The following PANK2 variants were observed in gnomAD, a reference collection of about 807,000 sequenced individuals.
PANK2 encodes pantothenate kinase 2, mitochondrial.
Under a neutral mutation model 43.1 loss-of-function variants are expected in PANK2, and 36 were observed. That is an observed-to-expected ratio of 0.84 (90% CI 0.64 to 1.10). The LOEUF is 1.10. Ranked by LOEUF, PANK2 falls within the 50% of genes least tolerant of loss-of-function variation. The pLI, the probability that PANK2 is intolerant of heterozygous loss-of-function variation, is 0.00. For synonymous variants in PANK2, 281 were observed against 238.2 expected, an observed-to-expected ratio of 1.18 and a Z score of -1.66; for missense variants, 576 against 593.3, an observed-to-expected ratio of 0.97 and a Z score of 0.30.
At position 3,928,746 on chromosome 20, in the gene PANK2, T is replaced by C. The variant is rs1477568443; in HGVS notation, c.*5452T>C. On this transcript the variant is annotated 3_prime_UTR_variant, in exon 7 of 7. Transcript: ENST00000610179. ...CTGGGTGACAGAGCGAGACTCCGTC[T>C]CAAAAAAAAAAAAAAAAAAAAAAAA... 3.0e-4 allele frequency: 2 copies of C among 6,716 alleles called. No homozygotes were observed. Among genetic ancestry groups the C allele is most frequent in the Non-Finnish European group, 4.3e-4 (1 of 2,306 alleles). The allele number at this position is 6,716 out of a possible 1,614,324, so 0.4% of individuals were successfully genotyped here. A position where few individuals can be genotyped will look rare whatever the true frequency, so the allele number is the denominator to read the frequency against.
intron 4 of PANK2, 98 bp downstream of exon 4, chr20:3,912,732 A>C: frequency 7.4e-7 from 1 of 1,351,294 alleles, no homozygotes; most frequent in Non-Finnish European, 1.0e-6. Context: ...TGGGCAGATC[A>C]TGAGGTCAGG....
intron 1 of PANK2, among the ~76,000 whole-genome samples, chr20:3,896,907 G>T (rs1443804893): frequency 6.6e-6 from 1 of 152,208 alleles, no homozygotes; most frequent in Admixed American, 6.5e-5. Context: ...CCAAAGAGGG[G>T]TCATGCAAAC....
At chr20:3,915,208 T>C (rs1458495293) in intron 4 of PANK2, among the ~76,000 whole-genome samples, 1 of 147,578 alleles carries the variant, frequency 6.8e-6, no homozygotes, top group African/African-American at 2.5e-5. Context: ...TCATGAAGAA[T>C]TGCCTAATTT....
chr20:3,914,068 C>A (rs372542824), intron 4 of PANK2, among the ~76,000 whole-genome samples: 6 of 150,786 alleles, frequency 4.0e-5, no homozygotes, highest in Non-Finnish European at 8.9e-5. Flanking sequence ...GGATTACAGG[C>A]GTGAGCCACT....
chr20:3,912,930 CAA>C (rs71331078), intron 4 of PANK2, among the ~76,000 whole-genome samples: 1,836 of 71,374 alleles, frequency 0.026, 9 homozygotes, highest in African/African-American at 0.084. Context: ...GACTCTGTCT[CAA>C]AAAAAAAAAA....
intron 1 of PANK2, chr20:3,890,035 A>G (rs1256393905): frequency 1.1e-6 from 1 of 916,576 alleles, no homozygotes; most frequent in Admixed American, 3.0e-5. Context: ...ACATGATTTT[A>G]TCCTCGAGAA....
upstream of PANK2, chr20:3,889,057 G>T (rs546468641): frequency 6.8e-6 from 10 of 1,467,940 alleles, no homozygotes; most frequent in African/African-American, 2.8e-5. Flanking sequence ...CGCGGCCCGG[G>T]GGGGCAGAGG....
At chr20:3,919,077 T>G (rs530706427) in intron 6 of PANK2, among the ~76,000 whole-genome samples, 13 of 152,214 alleles carry the variant, frequency 8.5e-5, no homozygotes, top group Non-Finnish European at 1.8e-4. Flanking sequence ...CTGCTAATTT[T>G]TGTACTTTCA....
At chr20:3,894,834 C>A (rs1367243656) in intron 1 of PANK2, among the ~76,000 whole-genome samples, 1 of 152,118 alleles carries the variant, frequency 6.6e-6, no homozygotes, top group African/African-American at 2.4e-5. Flanking sequence ...GACTAAAAAT[C>A]GTCCCCTTAT....
Position 3,923,281 on chromosome 20 carries a change from T to A in PANK2, c.1370T>A (p.Leu457Ter), listed in dbSNP as rs1387875174. The A allele has an allele frequency of 1.2e-6, 2 of 1,614,104 alleles. No homozygotes were observed. The highest frequency in any genetic ancestry group is 2.2e-5 in the South Asian group (2 of 91,090). The change falls in exon 7 of 7, where the codon TTG (leucine) becomes TAG (stop). Residue 457 changes from leucine to a stop codon, truncating the protein, a stop_gained. Coordinates refer to ENST00000610179, the MANE Select transcript of PANK2 (RefSeq NM_001386393.1). LOFTEE classifies it high-confidence loss of function. ...GCTGTTGGAGCACTCCTTGAGCTGT[T>A]GAAGATCCCGTGATCATTACCTGGG...
At chr20:3,893,324 T>C (rs2090153393) in intron 1 of PANK2, among the ~76,000 whole-genome samples, 1 of 152,188 alleles carries the variant, frequency 6.6e-6, no homozygotes, top group Non-Finnish European at 1.5e-5. Flanking sequence ...GGTTCTCAAG[T>C]TTTTAAAACT....
intron 6 of PANK2, among the ~76,000 whole-genome samples, chr20:3,919,184 T>G (rs1232449079): frequency 6.6e-6 from 1 of 152,234 alleles, no homozygotes; most frequent in East Asian, 1.9e-4. Flanking sequence ...AGTTCCAGGA[T>G]TACAGGTGTG....
Position 3,889,419 on chromosome 20 carries a change from A to G in PANK2, c.-12A>G, listed in dbSNP as rs2090072596. Reference sequence around the variant, plus strand: ...CTGGACTGCCGCGGAGGAGGCGAGAAGGAATCCGACGCTGGGGGGCTTGCT... The same window carrying G: ...CTGGACTGCCGCGGAGGAGGCGAGAGGGAATCCGACGCTGGGGGGCTTGCT... On this transcript the variant is annotated 5_prime_UTR_variant, in exon 1 of 7. Coordinates refer to ENST00000610179, the MANE Select transcript of PANK2 (RefSeq NM_001386393.1). The G allele has an allele frequency of 6.4e-7, 1 of 1,570,822 alleles. No homozygotes were observed. The highest frequency in any genetic ancestry group is 8.6e-7 in the Non-Finnish European group (1 of 1,161,966).
At chr20:3,921,460 C>T (rs1209697341) in intron 6 of PANK2, 1 of 151,810 alleles carries the variant, frequency 6.6e-6, no homozygotes, top group African/African-American at 2.4e-5. Context: ...TAGTAGCATC[C>T]TAGTCTTCAG....
At chr20:3,914,662 C>T (rs2090530337) in intron 4 of PANK2, among the ~76,000 whole-genome samples, 1 of 151,688 alleles carries the variant, frequency 6.6e-6, no homozygotes, top group Admixed American at 6.6e-5. Flanking sequence ...TGCAGTGACA[C>T]CATCTTATCT....
rs2090705943 is a variant in PANK2 at position 3,925,420 on chromosome 20, G to C, written c.*2126G>C. The C allele has an allele frequency of 1.3e-5, 2 of 152,370 alleles. No individual in the cohort carries two copies. Among genetic ancestry groups the C allele is most frequent in the Admixed American group, 6.5e-5 (1 of 15,282 alleles). The allele number at this position is 152,370 out of a possible 1,614,324, so 9.4% of individuals were successfully genotyped here. ...GGCTAATTTTTATATTTTTAGTAGA[G>C]ATGGGGTTTCACCATGATGGCCAGG... is the stretch of plus-strand genomic sequence containing the variant. On this transcript the variant is annotated 3_prime_UTR_variant, in exon 7 of 7. Transcript: ENST00000610179.
intron 1 of PANK2, among the ~76,000 whole-genome samples, chr20:3,898,004 CA>C (rs201785513): frequency 0.24 from 35,787 of 149,552 alleles, 4,724 homozygotes; most frequent in East Asian, 0.44. Context: ...GACTCCATCT[CA>C]AAAAAAAAAA....
chr20:3,910,621 G>T lies in PANK2; in HGVS notation c.696G>T (p.Leu232Phe). 1 of 1,614,104 alleles carries T rather than the reference G, an allele frequency of 6.2e-7. No homozygotes were observed. The highest frequency in any genetic ancestry group is 1.6e-4 in the Middle Eastern group (1 of 6,062). Residue 232 changes from leucine to phenylalanine, a missense_variant, in exon 3 of 7, where the codon TTG becomes TTT. Transcript: ENST00000610179. ...GCAAACTGGATGAACTAGATTGCTT[G>T]ATCAAAGGAATTTTATACATTGACT... is the stretch of plus-strand genomic sequence containing the variant.
At chr20:3,910,915 G>A (rs1215753079) in intron 3 of PANK2, 85 bp downstream of exon 3, 17 of 1,499,462 alleles carry the variant, frequency 1.1e-5, no homozygotes, top group Non-Finnish European at 1.5e-5. Context: ...ACACCTTCAA[G>A]AACCTGTTAG....
Sources: allele counts gnomAD v4.1 joint callset (sites outside exome capture counted in the v4.1 genomes callset), GRCh38; gene constraint gnomAD v4.1.1; transcripts MANE v1.5; gene names NCBI Gene and HGNC (gene_info 2026-07-23, HGNC 2026-07-21).